SENP7: variants seen among roughly 807,000 people sequenced by gnomAD.
SENP7 encodes sentrin-specific protease 7.
A neutral mutation model predicts 141.2 loss-of-function variants in SENP7; 64 were observed. That is an observed-to-expected ratio of 0.45 (90% CI 0.37 to 0.56). The LOEUF (loss-of-function observed/expected upper bound fraction) is 0.56. SENP7 is among the 20% of genes least tolerant of loss of function. SENP7 has a pLI of 0.00. For missense variants in SENP7, 1,025 were observed against 1,212.2 expected (o/e 0.85, Z 2.29); for synonymous variants, 382 against 426.4 (o/e 0.90, Z 1.28).
intron 4 of SENP7, among the ~76,000 whole-genome samples, chr3:101,424,139 A>G (rs1021655113): frequency 2.0e-5 from 3 of 152,064 alleles, no homozygotes; most frequent in Admixed American, 2.0e-4. Context: ...GGCCACTCCC[A>G]GGGCCGCAGC....
chr3:101,326,300 A>G (rs2058897943), intron 23 of SENP7, among the ~76,000 whole-genome samples: 1 of 152,058 alleles, frequency 6.6e-6, no homozygotes, highest in Admixed American at 6.6e-5. Flanking sequence ...GAGGGGCAGA[A>G]CCTGACACCC....
chr3:101,458,900 T>C, intron 4 of SENP7, 55 bp downstream of exon 4: 5 of 1,056,702 alleles, frequency 4.7e-6, no homozygotes, highest in Non-Finnish European at 7.1e-6. Context: ...ATGAATCATT[T>C]ATGGTCAACT....
intron 3 of SENP7, among the ~76,000 whole-genome samples, chr3:101,467,842 G>A (rs2063819960): frequency 6.6e-6 from 1 of 152,172 alleles, no homozygotes; most frequent in Non-Finnish European, 1.5e-5. Flanking sequence ...GAACAAAGCT[G>A]GATGGAGAAT....
At chr3:101,420,984 G>C (rs1254081377) in intron 4 of SENP7, among the ~76,000 whole-genome samples, 3 of 151,970 alleles carry the variant, frequency 2.0e-5, no homozygotes, top group Non-Finnish European at 4.4e-5. Context: ...TGCAGTTTTG[G>C]CCAAATAGAT....
intron 8 of SENP7, 116 bp downstream of exon 8, chr3:101,367,714 C>A: frequency 1.5e-6 from 1 of 660,660 alleles, no homozygotes. Flanking sequence ...GAACCAAAAA[C>A]TAAAGAAATC....
At chr3:101,358,333 G>T in intron 11 of SENP7, 1 of 751,300 alleles carries the variant, frequency 1.3e-6, no homozygotes. Flanking sequence ...ATATTGCACA[G>T]GAAACCTACA....
chr3:101,419,276 A>C (rs905883037), intron 4 of SENP7, among the ~76,000 whole-genome samples: 3 of 152,228 alleles, frequency 2.0e-5, no homozygotes, highest in Non-Finnish European at 4.4e-5. Context: ...GTGTCTAAGA[A>C]TGGGCAGTTA....
At chr3:101,444,144 CTCA>C (rs1288371240) in intron 4 of SENP7, among the ~76,000 whole-genome samples, 1 of 133,348 alleles carries the variant, frequency 7.5e-6, no homozygotes, top group Non-Finnish European at 1.6e-5. Context: ...TGAAAAAATG[CTCA>C]TCATCACTGG....
intron 5 of SENP7, among the ~76,000 whole-genome samples, chr3:101,409,171 C>T (rs940039184): frequency 5.9e-5 from 9 of 152,190 alleles, no homozygotes; most frequent in Non-Finnish European, 1.2e-4. Context: ...AAAACTCAAC[C>T]CCTTTTACAA....
In SENP7 at chr3:101,352,610, C is replaced by T. The variant is rs943742428; in HGVS notation, c.1624-959G>A. ...ATGTACTATCTAAAGCAGACTTCTGCTTTGAAGTTTGTGTTTCCATTAATA... is the reference window on the plus strand; with the variant it reads ...ATGTACTATCTAAAGCAGACTTCTGTTTTGAAGTTTGTGTTTCCATTAATA... On this transcript the variant is annotated intron_variant, in intron 11 of 23. Transcript: ENST00000394095. Among the ~76,000 whole-genome samples the T allele has an allele frequency of 6.6e-5, 10 of 152,068 alleles. No individual in the cohort carries two copies. In the East Asian group the frequency reaches 1.4e-3, roughly 21 times the overall value.
intron 3 of SENP7, among the ~76,000 whole-genome samples, chr3:101,479,619 G>A (rs1467266605): frequency 2.7e-5 from 4 of 147,642 alleles, no homozygotes; most frequent in African/African-American, 7.5e-5. Context: ...AAAAAAAAAA[G>A]AAAGACTCAG....
chr3:101,411,307 C>T (rs1348746773), intron 5 of SENP7, among the ~76,000 whole-genome samples: 1 of 152,128 alleles, frequency 6.6e-6, no homozygotes, highest in Admixed American at 6.5e-5. Flanking sequence ...ATAAACTACC[C>T]TTTCAAATAA....
At chr3:101,394,560 T>C (rs1389756296) in intron 6 of SENP7, among the ~76,000 whole-genome samples, 1 of 151,990 alleles carries the variant, frequency 6.6e-6, no homozygotes, top group East Asian at 1.9e-4. Context: ...TCGCCCAGGC[T>C]GGAGTGCAGT....
intron 5 of SENP7, among the ~76,000 whole-genome samples, chr3:101,404,498 C>T (rs905488384): frequency 1.3e-5 from 2 of 152,078 alleles, no homozygotes; most frequent in African/African-American, 2.4e-5. Context: ...CCATGCAGGA[C>T]GTAGGCAGGC....
intron 16 of SENP7, 37 bp downstream of exon 16, chr3:101,340,058 C>T (rs200355446): frequency 6.7e-7 from 1 of 1,499,692 alleles, no homozygotes. Context: ...TCAGTAAAAT[C>T]TGTAAAATAT....
At chr3:101,503,608 A>ATACTTT (rs1296425003) in intron 1 of SENP7, among the ~76,000 whole-genome samples, 1 of 152,244 alleles carries the variant, frequency 6.6e-6, no homozygotes, top group Non-Finnish European at 1.5e-5. Context: ...TATTTCTCAG[A>ATACTTT]AATTCAAGAA....
chr3:101,453,123 C>T (rs1274196881), intron 4 of SENP7, among the ~76,000 whole-genome samples: 1 of 152,202 alleles, frequency 6.6e-6, no homozygotes, highest in Non-Finnish European at 1.5e-5. Flanking sequence ...AAATGCTCAT[C>T]ATCAATGGCC....
chr3:101,364,809 C>T, intron 10 of SENP7, 25 bp downstream of exon 10: 1 of 1,477,044 alleles, frequency 6.8e-7, no homozygotes, highest in Non-Finnish European at 9.3e-7. Flanking sequence ...CATTGTTAAT[C>T]TATGAGAAGA....
intron 3 of SENP7, among the ~76,000 whole-genome samples, chr3:101,477,263 A>G (rs1351344946): frequency 6.6e-6 from 1 of 152,078 alleles, no homozygotes; most frequent in Non-Finnish European, 1.5e-5. Flanking sequence ...CCACAATGGA[A>G]AAAAAAATTA....
Sources: gnomAD v4.1 joint callset for allele counts (sites outside exome capture counted in the v4.1 genomes callset) on GRCh38, gnomAD v4.1.1 for gene constraint, MANE v1.5 for transcripts, NCBI Gene and HGNC (gene_info 2026-07-23, HGNC 2026-07-21) for gene names.